Variants in ZDBF2 observed in about 807,000 individuals in gnomAD.
The protein encoded by ZDBF2 is zinc finger DBF-type containing 2, also known as DBF4-type zinc finger-containing protein 2.
In ZDBF2, 6 loss-of-function variants were observed where a neutral mutation model predicts 9.4. The observed-to-expected ratio is 0.64, with a 90% confidence interval of 0.35 to 1.27. The LOEUF is 1.27. ZDBF2 is among the 50% of genes most tolerant of loss of function. ZDBF2 has a pLI of 0.03. For missense variants in ZDBF2, 2,697 were observed against 2,766.8 expected, an observed-to-expected ratio of 0.97 and a Z score of 0.57; for synonymous variants, 905 against 946.3, an observed-to-expected ratio of 0.96 and a Z score of 0.80.
chr2:206,275,289 T>G (rs1368242768), intron 1 of ZDBF2, among the ~76,000 whole-genome samples: 1 of 151,852 alleles, frequency 6.6e-6, no homozygotes, highest in African/African-American at 2.4e-5. Context: ...GGGGTCGGAT[T>G]GAGGGCCGGG....
intron 4 of ZDBF2, among the ~76,000 whole-genome samples, chr2:206,302,896 T>G (rs1395299947): frequency 6.6e-6 from 1 of 152,168 alleles, no homozygotes; most frequent in Non-Finnish European, 1.5e-5. Flanking sequence ...TTTAGGTGTT[T>G]ATTTTTAATT....
chr2:206,306,723 A>T lies in ZDBF2; in HGVS notation c.2195A>T (p.Lys732Ile). The T allele has an allele frequency of 6.2e-7, 1 of 1,613,826 alleles. No homozygotes were observed. Among genetic ancestry groups the T allele is most frequent in the Admixed American group, 1.7e-5 (1 of 60,012 alleles). ...PQEALDEVNL[K>I]ELNIDMEVRS... Reference sequence around the variant, plus strand: ...GAAGCTTTGGATGAAGTAAATCTTAAAGAGTTAAATATTGACATGGAAGTT... The same window carrying T: ...GAAGCTTTGGATGAAGTAAATCTTATAGAGTTAAATATTGACATGGAAGTT... The change falls in exon 5 of 5, where the codon AAA (lysine) becomes ATA (isoleucine). Residue 732 changes from lysine to isoleucine, a missense_variant. Lys to Ile is a moderately radical substitution (Grantham distance 102, BLOSUM62 -3). Around this residue, in one of 3 missense-constraint regions of ZDBF2, gnomAD observed 910 missense variants for 973.6 expected, o/e 0.93. Transcript: ENST00000374423.
At chr2:206,285,534 C>T (rs1327538888) in intron 3 of ZDBF2, among the ~76,000 whole-genome samples, 1 of 152,096 alleles carries the variant, frequency 6.6e-6, no homozygotes, top group Non-Finnish European at 1.5e-5. Context: ...ATTCCATATT[C>T]CAGGTATTAA....
chr2:206,302,879 A>G (rs1342278210), intron 4 of ZDBF2, among the ~76,000 whole-genome samples: 1 of 152,142 alleles, frequency 6.6e-6, no homozygotes, highest in Non-Finnish European at 1.5e-5. Context: ...GAAAAATTCA[A>G]TAAATTTTTA....
At chr2:206,283,695 G>T (rs1414134678) in intron 3 of ZDBF2, among the ~76,000 whole-genome samples, 1 of 151,936 alleles carries the variant, frequency 6.6e-6, no homozygotes, top group African/African-American at 2.4e-5. Flanking sequence ...ACAGGGTCTT[G>T]CATTATTGCC....
In ZDBF2 at chr2:206,308,120, G is replaced by A; in HGVS notation, c.3592G>A (p.Glu1198Lys). ...TAAGCACAATCAATGTTGTGGTTCT[G>A]AAGTAAGTTTTGATTCTGATGACCC... ...EGKHNQCCGS[E>K]VSFDSDDPLQ... Residue 1198 changes from glutamate (E) to lysine (K), a missense_variant, in exon 5 of 5, where the codon GAA becomes AAA. Transcript: ENST00000374423. The A allele has an allele frequency of 6.2e-7, 1 of 1,613,998 alleles. No homozygotes were observed.
At chr2:206,301,508 C>T (rs1692498552) in intron 4 of ZDBF2, among the ~76,000 whole-genome samples, 1 of 151,910 alleles carries the variant, frequency 6.6e-6, no homozygotes, top group Non-Finnish European at 1.5e-5. Flanking sequence ...TAAAATGTCA[C>T]CACCTGTGTC....
intron 3 of ZDBF2, among the ~76,000 whole-genome samples, chr2:206,283,005 A>G (rs1034000044): frequency 1.3e-5 from 2 of 152,226 alleles, no homozygotes; most frequent in African/African-American, 4.8e-5. Context: ...ATGTAGCGTA[A>G]TATTTTCACG....
In ZDBF2 at chr2:206,306,917, C is replaced by A; in HGVS notation, c.2389C>A (p.Pro797Thr). The change falls in exon 5 of 5, where the codon CCT (proline) becomes ACT (threonine). Residue 797 changes from proline (P) to threonine (T), a missense_variant. Physicochemically the swap from Pro to Thr is conservative, Grantham distance 38. Coordinates refer to ENST00000374423, the MANE Select transcript of ZDBF2 (RefSeq NM_020923.3). ...TGAAATAACTTTTGATTCTGATATT[C>A]CTCTTTATTCAGTAATTGACCAACC... ...SSEITFDSDI[P>T]LYSVIDQPEV... 1 of 1,613,644 alleles carries A rather than the reference C, an allele frequency of 6.2e-7. No individual in the cohort carries two copies. Among genetic ancestry groups the A allele is most frequent in the South Asian group, 1.1e-5 (1 of 91,038 alleles).
intron 3 of ZDBF2, among the ~76,000 whole-genome samples, chr2:206,283,159 T>C (rs2105902019): frequency 6.6e-6 from 1 of 152,392 alleles, no homozygotes; most frequent in Non-Finnish European, 1.5e-5. Flanking sequence ...CTGTTATGAA[T>C]AGTGCTGCTA....
Position 206,306,696 on chromosome 2 carries a change from A to C in ZDBF2, c.2168A>C (p.Gln723Pro). Reference sequence around the variant, plus strand: ...TATCATTCAGCTCATGATGAGCCTCAAGAAGCTTTGGATGAAGTAAATCTT... The same window carrying C: ...TATCATTCAGCTCATGATGAGCCTCCAGAAGCTTTGGATGAAGTAAATCTT... ...SLYHSAHDEP[Q>P]EALDEVNLKE... Residue 723 changes from glutamine (Q) to proline (P), a missense_variant, in exon 5 of 5, where the codon CAA becomes CCA. By Grantham distance (76) the Gln-to-Pro change is moderately conservative (BLOSUM62 -1). Around this residue, in one of 3 missense-constraint regions of ZDBF2, gnomAD observed 910 missense variants for 973.6 expected, o/e 0.93. Coordinates refer to ENST00000374423, the MANE Select transcript of ZDBF2 (RefSeq NM_020923.3). 6.2e-7 allele frequency: 1 copy of C among 1,613,824 alleles called. No individual in the cohort carries two copies. The highest frequency in any genetic ancestry group is 8.5e-7 in the Non-Finnish European group (1 of 1,179,792).
chr2:206,297,621 ATGTTT>A (rs1311910662), intron 4 of ZDBF2, among the ~76,000 whole-genome samples: 2 of 152,158 alleles, frequency 1.3e-5, no homozygotes, highest in African/African-American at 4.8e-5. Flanking sequence ...TATCATTAAG[ATGTTT>A]TATAAGTATG....
Position 206,314,263 on chromosome 2 carries a change from C to CTTTTTTT in ZDBF2, c.*2681_*2687dup, listed in dbSNP as rs777695404. 3.1e-5 allele frequency: 4 copies of CTTTTTTT among 129,788 alleles called. 1 individual carries two copies. The highest frequency in any genetic ancestry group is 7.8e-5 in the Admixed American group (1 of 12,854). The allele number at this position is 129,788 out of a possible 1,614,324, so 8.0% of individuals were successfully genotyped here. A position where few individuals can be genotyped will look rare whatever the true frequency, so the allele number is the denominator to read the frequency against. Reference sequence around the variant, plus strand: ...TATGTAACTAGGGCTGTGAGTAACACTTTTTTTTTTTTTTTTTGGTTAAAG... The same window carrying CTTTTTTT: ...TATGTAACTAGGGCTGTGAGTAACACTTTTTTTTTTTTTTTTTTTTTTTTGGTTAAAG... On this transcript the variant is annotated 3_prime_UTR_variant, in exon 5 of 5. Coordinates refer to ENST00000374423, the MANE Select transcript of ZDBF2 (RefSeq NM_020923.3).
chr2:206,311,949 T>C lies in ZDBF2; in HGVS notation c.*356T>C, dbSNP rs575159682. ...AAATTTAACATTGTGAGAATGAATA[T>C]AGCAAACTTATTAAAAAGAAGGAAT... On this transcript the variant is annotated 3_prime_UTR_variant, in exon 5 of 5. Transcript: ENST00000374423. The C allele has an allele frequency of 6.3e-6, 1 of 157,840 alleles. No homozygotes were observed. The highest frequency in any genetic ancestry group is 2.4e-5 in the African/African-American group (1 of 41,714). The allele number at this position is 157,840 out of a possible 1,614,324, so 9.8% of individuals were successfully genotyped here. A position where few individuals can be genotyped will look rare whatever the true frequency, so the allele number is the denominator to read the frequency against.
rs113136755 is a variant in ZDBF2, at chr2:206,286,699, T to G, written c.60+4790T>G. On this transcript the variant is annotated intron_variant, in intron 3 of 4. Coordinates refer to ENST00000374423, the MANE Select transcript of ZDBF2 (RefSeq NM_020923.3). ...GTGCATGCCATTGTTCCCAGCCATC[T>G]ATATGTGTCTTTACAGGTGAAGTTA... 7.9e-3 allele frequency among the ~76,000 whole-genome samples: 1,209 copies of G among 152,258 alleles called. 16 individuals carry two copies. The highest frequency in any genetic ancestry group is 0.028 in the African/African-American group (1,156 of 41,512).
chr2:206,308,843 C>T lies in ZDBF2; in HGVS notation c.4315C>T (p.His1439Tyr). 1 of 1,613,628 alleles carries T rather than the reference C, an allele frequency of 6.2e-7. No individual in the cohort carries two copies. The highest frequency in any genetic ancestry group is 1.7e-5 in the Admixed American group (1 of 59,962). The change falls in exon 5 of 5, where the codon CAT becomes TAT. Residue 1439 changes from histidine to tyrosine, a missense_variant. By Grantham distance (83) the His-to-Tyr change is moderately conservative. Transcript: ENST00000374423. Reference protein sequence around the residue: ...VKEINLQKKDHNDLENKNCEV... With the variant: ...VKEINLQKKDYNDLENKNCEV... ...AGAAATAAACTTGCAAAAGAAGGAT[C>T]ATAATGATCTAGAAAATAAGAACTG...
chr2:206,275,358 A>G (rs1330716137), intron 1 of ZDBF2, among the ~76,000 whole-genome samples: 9 of 152,130 alleles, frequency 5.9e-5, no homozygotes, highest in Non-Finnish European at 1.0e-4. Context: ...CCACCTGTCC[A>G]CACACCCCCT....
chr2:206,299,860 C>G (rs2105936495), intron 4 of ZDBF2, among the ~76,000 whole-genome samples: 1 of 152,080 alleles, frequency 6.6e-6, no homozygotes, highest in Non-Finnish European at 1.5e-5. Flanking sequence ...GTAATCCTAC[C>G]ACTTTGGGAG....
chr2:206,289,703 C>T (rs1016508956), intron 3 of ZDBF2, among the ~76,000 whole-genome samples: 6 of 152,220 alleles, frequency 3.9e-5, no homozygotes, highest in Non-Finnish European at 8.8e-5. Context: ...GGCTTCTTCT[C>T]TCAGGGGAAC....
Sources: gnomAD v4.1 joint callset for allele counts (sites outside exome capture counted in the v4.1 genomes callset) on GRCh38, gnomAD v4.1.1 for gene constraint, gnomAD v4.1.1 regional missense constraint, MANE v1.5 for transcripts, NCBI Gene and HGNC (gene_info 2026-07-23, HGNC 2026-07-21) for gene names.